The following ONECUT3 variants were observed in gnomAD, a reference collection of about 807,000 sequenced individuals.
ONECUT3 encodes the protein one cut homeobox 3.
ONECUT3 carries 11 observed loss-of-function variants against 16.8 expected under a neutral mutation model. The observed-to-expected ratio is 0.66, with a 90% CI of 0.41 to 1.09. The LOEUF (loss-of-function observed/expected upper bound fraction) is 1.09, where lower values mean the gene tolerates loss of function less well. Ranked by LOEUF, ONECUT3 falls within the 50% of genes least tolerant of loss-of-function variation. The pLI is 0.00. For synonymous variants in ONECUT3, 344 were observed against 310.7 expected (o/e 1.11, Z -1.13); for missense variants, 637 against 629.9 (o/e 1.01, Z -0.12).
intron 1 of ONECUT3, among the ~76,000 whole-genome samples, chr19:1,772,166 C>T (rs762416324): frequency 3.3e-5 from 5 of 151,842 alleles, no homozygotes; most frequent in Non-Finnish European, 7.4e-5. Flanking sequence ...CCTGCCACCA[C>T]ACTCAGCTAA....
chr19:1,760,803 G>A (rs554456290), intron 1 of ONECUT3, among the ~76,000 whole-genome samples: 9 of 152,246 alleles, frequency 5.9e-5, no homozygotes, highest in South Asian at 2.1e-4. Context: ...AGACAGGGAC[G>A]CTCGCCCCCA....
At position 1,758,423 on chromosome 19, in the gene ONECUT3, G is replaced by T. The variant is rs2067929344; in HGVS notation, c.1192+3569G>T. On this transcript the variant is annotated intron_variant, in intron 1 of 1. Coordinates refer to ENST00000382349, the MANE Select transcript of ONECUT3 (RefSeq NM_001080488.2). This position sits in a 1 kb window ranked among gnomAD's most constrained non-coding sequence, Gnocchi z 5.9. Reference sequence around the variant, plus strand: ...ACAGCCCCCTCCTTCTTCCCCATGGGGTAGGACTTGGGAGAGGGGAATAGG... The same window carrying T: ...ACAGCCCCCTCCTTCTTCCCCATGGTGTAGGACTTGGGAGAGGGGAATAGG... 2.6e-5 allele frequency among the ~76,000 whole-genome samples: 4 copies of T among 152,068 alleles called. No individual in the cohort carries two copies. Among genetic ancestry groups the T allele is most frequent in the Non-Finnish European group, 5.9e-5 (4 of 68,014 alleles).
At chr19:1,772,123 C>T (rs543198945) in intron 1 of ONECUT3, among the ~76,000 whole-genome samples, 40 of 152,052 alleles carry the variant, frequency 2.6e-4, no homozygotes, top group African/African-American at 8.7e-4. Flanking sequence ...GACTCTCCTG[C>T]CTCAGCCTCC....
At position 1,778,013 on chromosome 19, in the gene ONECUT3, A is replaced by AC. The variant is rs2068126312; in HGVS notation, c.*2568_*2569insC. ...TCCCTCTCAAAAAAAAAAAAAAAAA[A>AC]AAAAACTTTAGGTCCAAGAAGATGC... On this transcript the variant is annotated 3_prime_UTR_variant, in exon 2 of 2. Transcript: ENST00000382349. 4.6e-5 allele frequency: 7 copies of AC among 151,698 alleles called. No individual in the cohort carries two copies. The highest frequency in any genetic ancestry group is 8.8e-5 in the Non-Finnish European group (6 of 67,952). The allele number at this position is 151,698 out of a possible 1,614,324, so 9.4% of individuals were successfully genotyped here.
chr19:1,767,228 G>A (rs915940682), intron 1 of ONECUT3, among the ~76,000 whole-genome samples: 6 of 152,092 alleles, frequency 3.9e-5, no homozygotes, highest in African/African-American at 1.4e-4. Flanking sequence ...CTCCTCTCAG[G>A]GACCCCCAGA....
In ONECUT3 at chr19:1,764,257, C is replaced by T. The variant is rs2067965211; in HGVS notation, c.1192+9403C>T. ...GAATGTCCGAGGGTGAGAGGTGCCC[C>T]CTGACACCCCCATGCCCCCACCCCA... is the stretch of plus-strand genomic sequence containing the variant. On this transcript the variant is annotated intron_variant, in intron 1 of 1. Transcript: ENST00000382349. This position sits in a 1 kb window ranked among gnomAD's most constrained non-coding sequence, Gnocchi z 5.0. 6.6e-6 allele frequency among the ~76,000 whole-genome samples: 1 copy of T among 152,190 alleles called. No homozygotes were observed. Among genetic ancestry groups the T allele is most frequent in the South Asian group, 2.1e-4 (1 of 4,832 alleles).
Position 1,775,218 on chromosome 19 carries a change from G to C in ONECUT3, c.1258G>C (p.Val420Leu). 6.4e-7 allele frequency: 1 copy of C among 1,559,132 alleles called. No individual in the cohort carries two copies. Among genetic ancestry groups the C allele is most frequent in the Non-Finnish European group, 8.7e-7 (1 of 1,151,738 alleles). ...CCTGCAGCCCAAGAAGCAGCGCCTG[G>C]TGTTCACCGACCTGCAGCGACGCAC... ...RALQPKKQRL[V>L]FTDLQRRTLI... Residue 420 changes from valine (V) to leucine (L), a missense_variant, in exon 2 of 2, where the codon GTG becomes CTG. Val to Leu is a conservative substitution (Grantham distance 32). This residue lies in a region of ONECUT3 where 183 missense variants were observed against 188.3 expected (regional missense o/e 0.97). Coordinates refer to ENST00000382349, the MANE Select transcript of ONECUT3 (RefSeq NM_001080488.2).
At position 1,778,511 on chromosome 19, in the gene ONECUT3, C is replaced by T. The variant is rs1228390678; in HGVS notation, c.*3066C>T. ...CGATGCCTGGGCTTCAGGCACTGGC[C>T]GGAGCACGGGCCTGGCGGGGTGCTG... On this transcript the variant is annotated 3_prime_UTR_variant, in exon 2 of 2. Transcript: ENST00000382349. The T allele has an allele frequency of 2.0e-5, 3 of 147,856 alleles. No homozygotes were observed. The highest frequency in any genetic ancestry group is 4.3e-4 in the South Asian group (2 of 4,658). 9.2% of individuals were successfully genotyped at this position (147,856 alleles called of 1,614,324 possible).
chr19:1,769,347 C>G (rs1568599644), intron 1 of ONECUT3, among the ~76,000 whole-genome samples: 1 of 151,700 alleles, frequency 6.6e-6, no homozygotes, highest in Admixed American at 6.6e-5. Flanking sequence ...GAGGAGAGGA[C>G]GGAGGTGGAG....
At chr19:1,763,366 C>A (rs1419711651) in intron 1 of ONECUT3, among the ~76,000 whole-genome samples, 2 of 36,794 alleles carry the variant, frequency 5.4e-5, no homozygotes, top group Admixed American at 5.2e-4. Flanking sequence ...GACTCCATCT[C>A]AAAAAAAAAA....
chr19:1,777,437 C>CGCAT lies in ONECUT3; in HGVS notation c.*1995_*1996insTGCA, dbSNP rs906119521. The CGCAT allele has an allele frequency of 4.5e-5, 6 of 134,768 alleles. No individual in the cohort carries two copies. Among genetic ancestry groups the CGCAT allele is most frequent in the Non-Finnish European group, 7.8e-5 (5 of 64,216 alleles). The allele number at this position is 134,768 out of a possible 1,614,324, so 8.3% of individuals were successfully genotyped here. Reference sequence around the variant, plus strand: ...ATGCAAAGACACGCATGCAGGCACACGCAGACGCACACAGAGACACACATG... The same window carrying CGCAT: ...ATGCAAAGACACGCATGCAGGCACACGCATGCAGACGCACACAGAGACACACATG... On this transcript the variant is annotated 3_prime_UTR_variant, in exon 2 of 2. Transcript: ENST00000382349.
In ONECUT3 at chr19:1,758,317, GA is replaced by G. The variant is rs1568592933; in HGVS notation, c.1192+3464del. Among the ~76,000 whole-genome samples, 5 of 54,964 alleles carry G rather than the reference GA, an allele frequency of 9.1e-5. No individual in the cohort carries two copies. The highest frequency in any genetic ancestry group is 2.1e-4 in the African/African-American group (4 of 18,642). The allele number at this position is 54,964 out of a possible 152,430, so 36.1% of individuals were successfully genotyped here. On this transcript the variant is annotated intron_variant, in intron 1 of 1. Transcript: ENST00000382349. The surrounding 1 kb of genome is among the most constrained non-coding windows in gnomAD (Gnocchi z 5.9). ...AGAGAGACCAAAAAAAAAAAAAAAA[GA>G]GAGAGAGAGAGAGAGAGACAGAGAT...
rs896360380 is a variant in ONECUT3 at position 1,758,522 on chromosome 19, C to T, written c.1192+3668C>T. Among the ~76,000 whole-genome samples, 4 of 152,212 alleles carry T rather than the reference C, an allele frequency of 2.6e-5. No homozygotes were observed. Among genetic ancestry groups the T allele is most frequent in the African/African-American group, 4.8e-5 (2 of 41,450 alleles). ...CGGAGTCCCGGCCCCACTGCCCGTT[C>T]TGCGTGCCTCAGTTTACCCATCTGT... On this transcript the variant is annotated intron_variant, in intron 1 of 1. Transcript: ENST00000382349. This position sits in a 1 kb window ranked among gnomAD's most constrained non-coding sequence, Gnocchi z 5.9.
intron 1 of ONECUT3, among the ~76,000 whole-genome samples, chr19:1,773,713 C>T (rs1393973857): frequency 3.9e-5 from 6 of 152,222 alleles, no homozygotes; most frequent in Non-Finnish European, 8.8e-5. Flanking sequence ...GCCTCTTCAG[C>T]ACCACAGTCC....
At chr19:1,767,637 C>T (rs533790882) in intron 1 of ONECUT3, among the ~76,000 whole-genome samples, 12 of 152,290 alleles carry the variant, frequency 7.9e-5, no homozygotes, top group East Asian at 3.9e-4. Context: ...CTGGACACAG[C>T]GGGAACAGCA....
At chr19:1,769,671 C>T (rs959542621) in intron 1 of ONECUT3, among the ~76,000 whole-genome samples, 4 of 151,862 alleles carry the variant, frequency 2.6e-5, no homozygotes, top group Admixed American at 1.3e-4. Flanking sequence ...GGCATCCAGG[C>T]GGCCCCCCTA....
Position 1,778,083 on chromosome 19 carries a change from C to T in ONECUT3, c.*2638C>T, listed in dbSNP as rs1369621631. 2.0e-5 allele frequency: 3 copies of T among 151,186 alleles called. No individual in the cohort carries two copies. Among genetic ancestry groups the T allele is most frequent in the Non-Finnish European group, 4.4e-5 (3 of 67,932 alleles). The allele number at this position is 151,186 out of a possible 1,614,324, so 9.4% of individuals were successfully genotyped here. A position where few individuals can be genotyped will look rare whatever the true frequency, so the allele number is the denominator to read the frequency against. The stretch of plus-strand genomic sequence containing the variant: ...ATTATTTGTCTTTATACCAAGGTAG[C>T]CTATAGATATACAATGTTTTAAATT... On this transcript the variant is annotated 3_prime_UTR_variant, in exon 2 of 2. Transcript: ENST00000382349.
intron 1 of ONECUT3, among the ~76,000 whole-genome samples, chr19:1,763,251 C>T (rs1229786703): frequency 1.3e-5 from 2 of 151,456 alleles, no homozygotes; most frequent in Non-Finnish European, 2.9e-5. Context: ...GCAATCCCAG[C>T]TACTCCGGAG....
chr19:1,777,485 T>TA lies in ONECUT3; in HGVS notation c.*2041dup, dbSNP rs2068121323. Reference sequence around the variant, plus strand: ...ATGCAGATACACATGCACACACACATACACACACTGGCCCCTGTTTTTCTG... The same window carrying TA: ...ATGCAGATACACATGCACACACACATAACACACACTGGCCCCTGTTTTTCTG... On this transcript the variant is annotated 3_prime_UTR_variant, in exon 2 of 2. Transcript: ENST00000382349. 1 of 144,048 alleles carries TA rather than the reference T, an allele frequency of 6.9e-6. No homozygotes were observed. The highest frequency in any genetic ancestry group is 2.6e-5 in the African/African-American group (1 of 38,272). The allele number at this position is 144,048 out of a possible 1,614,324, so 8.9% of individuals were successfully genotyped here. A position where few individuals can be genotyped will look rare whatever the true frequency, so the allele number is the denominator to read the frequency against.
Sources: gnomAD v4.1 joint callset for allele counts (sites outside exome capture counted in the v4.1 genomes callset) on GRCh38, gnomAD v4.1.1 for gene constraint, gnomAD v4.1.1 regional missense constraint, Gnocchi (gnomAD v3.1) non-coding constraint, MANE v1.5 for transcripts, NCBI Gene and HGNC (gene_info 2026-07-23, HGNC 2026-07-21) for gene names.